MED12L: variants seen among roughly 807,000 people sequenced by gnomAD.
MED12L encodes the protein mediator of RNA polymerase II transcription subunit 12-like protein.
Under a neutral mutation model 281.3 loss-of-function variants are expected in MED12L, and 60 were observed. The observed-to-expected ratio is 0.21, with a 90% CI of 0.17 to 0.26. The LOEUF (loss-of-function observed/expected upper bound fraction) is 0.26, where lower values mean the gene tolerates loss of function less well. Ranked by LOEUF, MED12L falls within the 10% of genes least tolerant of loss-of-function variation. The pLI, the probability that MED12L is intolerant of heterozygous loss-of-function variation, is 1.00. For missense variants in MED12L, 2,146 were observed against 2,680.9 expected, an observed-to-expected ratio of 0.80 and a Z score of 4.41; for synonymous variants, 974 against 987.2, an observed-to-expected ratio of 0.99 and a Z score of 0.25.
At chr3:151,304,646 G>A (rs1746399805) in intron 16 of MED12L, among the ~76,000 whole-genome samples, 3 of 151,430 alleles carry the variant, frequency 2.0e-5, no homozygotes, top group Admixed American at 6.6e-5. Flanking sequence ...TGGTGGCACC[G>A]TGGTGGAGTG....
chr3:151,319,941 G>A lies in MED12L; in HGVS notation c.2251-30118G>A, dbSNP rs1026735322. Among the ~76,000 whole-genome samples the A allele has an allele frequency of 2.0e-5, 3 of 152,128 alleles. No individual in the cohort carries two copies. In the East Asian group the frequency reaches 5.8e-4, roughly 29 times the overall value. ...CAAGGAGAAAAAGTGTCACATCTTCGAAGGAATTAAAATAGGTAAGATTAC... is the reference window on the plus strand; with the variant it reads ...CAAGGAGAAAAAGTGTCACATCTTCAAAGGAATTAAAATAGGTAAGATTAC... On this transcript the variant is annotated intron_variant, in intron 16 of 44. Transcript: ENST00000687756.
chr3:151,414,453 G>A (rs1274472896), intron 42 of MED12L, among the ~76,000 whole-genome samples: 1 of 152,146 alleles, frequency 6.6e-6, no homozygotes, highest in African/African-American at 2.4e-5. Flanking sequence ...ATGCAGAAAG[G>A]GACACAAAGG....
At chr3:151,396,243 T>C (rs1359621502) in intron 39 of MED12L, among the ~76,000 whole-genome samples, 2 of 152,254 alleles carry the variant, frequency 1.3e-5, no homozygotes, top group Non-Finnish European at 2.9e-5. Flanking sequence ...AATAGAGTTA[T>C]ACTATTGCTT....
intron 31 of MED12L, 80 bp from the exon 32 acceptor site, chr3:151,380,033 A>T: frequency 1.2e-6 from 1 of 868,930 alleles, no homozygotes; most frequent in South Asian, 1.8e-5. Context: ...TCTAATAGTG[A>T]GGCAAAGAAA....
intron 16 of MED12L, among the ~76,000 whole-genome samples, chr3:151,321,876 T>C (rs533919636): frequency 1.3e-5 from 2 of 152,320 alleles, no homozygotes; most frequent in South Asian, 4.1e-4. Flanking sequence ...TCCCCATCTC[T>C]CCTTTCCTCT....
At chr3:151,291,923 A>T (rs1744308169) in intron 16 of MED12L, among the ~76,000 whole-genome samples, 1 of 152,250 alleles carries the variant, frequency 6.6e-6, no homozygotes, top group Non-Finnish European at 1.5e-5. Context: ...TATTCCATTG[A>T]TTTAATAATG....
intron 43 of MED12L, chr3:151,425,833 T>C: frequency 2.3e-6 from 1 of 438,720 alleles, no homozygotes; most frequent in South Asian, 1.6e-5. Context: ...GATTCACTCT[T>C]TAAATGCGTG....
intron 5 of MED12L, among the ~76,000 whole-genome samples, chr3:151,145,625 G>A (rs1303803885): frequency 6.6e-6 from 1 of 152,166 alleles, no homozygotes; most frequent in East Asian, 1.9e-4. Flanking sequence ...TTAACATTTG[G>A]CAAAACTAAG....
At chr3:151,108,483 C>T (rs1005344545) in intron 2 of MED12L, among the ~76,000 whole-genome samples, 1 of 152,040 alleles carries the variant, frequency 6.6e-6, no homozygotes. Flanking sequence ...TTACAGACAT[C>T]CTTGGGGGTC....
chr3:151,230,693 T>C (rs1418808179), intron 16 of MED12L, among the ~76,000 whole-genome samples: 1 of 152,156 alleles, frequency 6.6e-6, no homozygotes, highest in African/African-American at 2.4e-5. Context: ...CTTCAAACTT[T>C]AAACCTGCTC....
intron 2 of MED12L, among the ~76,000 whole-genome samples, chr3:151,091,336 A>AT (rs1720020728): frequency 6.6e-6 from 1 of 152,170 alleles, no homozygotes; most frequent in African/African-American, 2.4e-5. Flanking sequence ...TTCAGAGGAC[A>AT]TTCAGATTAC....
chr3:151,132,814 G>A (rs184320759), intron 5 of MED12L, among the ~76,000 whole-genome samples: 2 of 152,192 alleles, frequency 1.3e-5, no homozygotes, highest in Admixed American at 6.5e-5. Flanking sequence ...CGCCTTTGTC[G>A]TCAGCAGCTT....
intron 16 of MED12L, among the ~76,000 whole-genome samples, chr3:151,246,587 G>T (rs1735545925): frequency 6.6e-6 from 1 of 152,144 alleles, no homozygotes; most frequent in Non-Finnish European, 1.5e-5. Context: ...GCTGAAACTG[G>T]ATCCCTTTCT....
Position 151,118,043 on chromosome 3 carries a change from A to T in MED12L, c.204+1601A>T, listed in dbSNP as rs532057525. Among the ~76,000 whole-genome samples the T allele has an allele frequency of 9.6e-5, 14 of 146,332 alleles. No individual in the cohort carries two copies. The South Asian group carries it at 1.9e-3, about 20-fold the overall frequency. ...GAGGCGGAGGTTGCAGTGAGCCGAG[A>T]TTGCGCCGCTGCACTCCAGCCTGGG... On this transcript the variant is annotated intron_variant, in intron 3 of 44. Coordinates refer to ENST00000687756, the MANE Select transcript of MED12L (RefSeq NM_001393769.1).
At chr3:151,261,829 A>G (rs1400599560) in intron 16 of MED12L, among the ~76,000 whole-genome samples, 1 of 152,078 alleles carries the variant, frequency 6.6e-6, no homozygotes, top group Non-Finnish European at 1.5e-5. Flanking sequence ...GGTTCAATAC[A>G]TTCTTGTGCC....
intron 23 of MED12L, among the ~76,000 whole-genome samples, chr3:151,366,588 A>G (rs1755305955): frequency 6.6e-6 from 1 of 152,044 alleles, no homozygotes; most frequent in African/African-American, 2.4e-5. Context: ...ATCTGTCTTG[A>G]TTCTTTACTT....
At chr3:151,096,211 G>A (rs549873419) in intron 2 of MED12L, among the ~76,000 whole-genome samples, 1 of 152,286 alleles carries the variant, frequency 6.6e-6, no homozygotes, top group South Asian at 2.1e-4. Context: ...CTGACCTTGG[G>A]ACCACTTCTC....
intron 43 of MED12L, among the ~76,000 whole-genome samples, chr3:151,420,157 C>T (rs1718075862): frequency 6.6e-6 from 1 of 152,174 alleles, no homozygotes; most frequent in African/African-American, 2.4e-5. Flanking sequence ...AATCACAGGG[C>T]ATAGTAACAC....
At chr3:151,157,700 C>T (rs1396690849) in intron 6 of MED12L, among the ~76,000 whole-genome samples, 2 of 152,008 alleles carry the variant, frequency 1.3e-5, no homozygotes, top group Non-Finnish European at 2.9e-5. Flanking sequence ...TCAATGTGGC[C>T]TCACTGTAAA....
Sources: allele counts gnomAD v4.1 joint callset (sites outside exome capture counted in the v4.1 genomes callset), GRCh38; gene constraint gnomAD v4.1.1; transcripts MANE v1.5; gene names NCBI Gene and HGNC (gene_info 2026-07-23, HGNC 2026-07-21).